Variants in FBXO11 observed in about 807,000 individuals in gnomAD.
The protein encoded by FBXO11 is F-box protein 11, also known as F-box only protein 11.
In FBXO11, 13 loss-of-function variants were observed where a neutral mutation model predicts 117.0. The observed-to-expected ratio is 0.11, with a 90% CI of 0.07 to 0.18. The LOEUF is 0.18. FBXO11 is among the 10% of genes least tolerant of loss of function. FBXO11 has a pLI of 1.00. For synonymous variants in FBXO11, 490 were observed against 380.5 expected (o/e 1.29, Z -3.35); for missense variants, 767 against 1,164.4 (o/e 0.66, Z 4.97).
intron 1 of FBXO11, among the ~76,000 whole-genome samples, chr2:47,852,704 CT>C (rs1214083995): frequency 6.6e-6 from 1 of 152,230 alleles, no homozygotes; most frequent in South Asian, 2.1e-4. Flanking sequence ...AGTGCCACTA[CT>C]GCTAACAGTG....
At chr2:47,825,061 C>T (rs1460483321) in intron 11 of FBXO11, among the ~76,000 whole-genome samples, 3 of 152,078 alleles carry the variant, frequency 2.0e-5, no homozygotes, top group Non-Finnish European at 4.4e-5. Context: ...AGACTTTACA[C>T]ACAGTAAGTA....
At chr2:47,811,022 T>C (rs2104639144) in intron 18 of FBXO11, 1 of 152,342 alleles carries the variant, frequency 6.6e-6, no homozygotes, top group Middle Eastern at 3.4e-3. Flanking sequence ...CATGGTTTTA[T>C]TTCTGTAGAC....
At chr2:47,832,029 C>A (rs922683306) in intron 11 of FBXO11, among the ~76,000 whole-genome samples, 1 of 152,102 alleles carries the variant, frequency 6.6e-6, no homozygotes, top group Non-Finnish European at 1.5e-5. Flanking sequence ...CTGGAGGATA[C>A]AGGAATTTTC....
At chr2:47,851,888 C>G (rs1673889080) in intron 1 of FBXO11, among the ~76,000 whole-genome samples, 1 of 152,062 alleles carries the variant, frequency 6.6e-6, no homozygotes, top group Non-Finnish European at 1.5e-5. Context: ...TTTGTGAATT[C>G]ACACAAGAAA....
Position 47,889,305 on chromosome 2 carries a change from GTAGAC to G in FBXO11, c.232+16179_232+16183del, listed in dbSNP as rs556311238. Among the ~76,000 whole-genome samples the G allele has an allele frequency of 2.0e-5, 3 of 152,194 alleles. No homozygotes were observed. The South Asian group carries it at 6.2e-4, about 31-fold the overall frequency. On this transcript the variant is annotated intron_variant, in intron 1 of 22. Coordinates refer to ENST00000403359, the MANE Select transcript of FBXO11 (RefSeq NM_001190274.2). ...TGTGATTGGCTCTTCATAGAACCAT[GTAGAC>G]TATTCCCTAGAATCTATACTTACTG...
At chr2:47,866,537 G>C (rs912943814) in intron 1 of FBXO11, among the ~76,000 whole-genome samples, 1 of 151,220 alleles carries the variant, frequency 6.6e-6, no homozygotes, top group African/African-American at 2.4e-5. Context: ...ACAGTGGCGT[G>C]ATCTAAGCTC....
At chr2:47,904,349 A>G (rs1175078698) in intron 1 of FBXO11, among the ~76,000 whole-genome samples, 1 of 152,194 alleles carries the variant, frequency 6.6e-6, no homozygotes, top group African/African-American at 2.4e-5. Flanking sequence ...GCTAATTAAT[A>G]AAGAGAATGG....
At chr2:47,838,541 T>C (rs1428733491) in intron 4 of FBXO11, among the ~76,000 whole-genome samples, 1 of 152,210 alleles carries the variant, frequency 6.6e-6, no homozygotes, top group Non-Finnish European at 1.5e-5. Flanking sequence ...ACCTACATTC[T>C]AATCTATCAG....
chr2:47,905,649 C>A lies in FBXO11; in HGVS notation c.72G>T (p.Gln24His). Residue 24 changes from glutamine to histidine, a missense_variant, in exon 1 of 23, where the codon CAG (glutamine) becomes CAT (histidine). This residue lies in a region of FBXO11 where 355 missense variants were observed against 299.8 expected (regional missense o/e 1.18). Coordinates refer to ENST00000403359, the MANE Select transcript of FBXO11 (RefSeq NM_001190274.2). ...GCGGCGGCTGCTGCGGGGGCTGCTGCTGCTGTTGCTGCACCGGGCGCGGCC... is the reference window on the plus strand; with the variant it reads ...GCGGCGGCTGCTGCGGGGGCTGCTGATGCTGTTGCTGCACCGGGCGCGGCC... ...VSRPRPVQQQ[Q>H]QQPPQQPPPQ... The A allele has an allele frequency of 6.8e-7, 1 of 1,460,016 alleles. No individual in the cohort carries two copies. The highest frequency in any genetic ancestry group is 9.1e-7 in the Non-Finnish European group (1 of 1,104,622). The allele number at this position is 1,460,016 out of a possible 1,614,324, so 90.4% of individuals were successfully genotyped here.
intron 11 of FBXO11, among the ~76,000 whole-genome samples, chr2:47,826,130 C>G (rs1671738721): frequency 6.6e-6 from 1 of 152,104 alleles, no homozygotes; most frequent in African/African-American, 2.4e-5. Flanking sequence ...ACGATCTCGG[C>G]TCACTGCAAC....
chr2:47,862,969 C>G (rs1056306495), intron 1 of FBXO11, among the ~76,000 whole-genome samples: 2 of 151,142 alleles, frequency 1.3e-5, no homozygotes, highest in African/African-American at 4.9e-5. Flanking sequence ...GCAGGAGAAT[C>G]GCTTGAACCC....
chr2:47,900,692 GTATACACACACGTGTATATA>G, intron 1 of FBXO11, among the ~76,000 whole-genome samples: 1 of 105,054 alleles, frequency 9.5e-6, no homozygotes, highest in Middle Eastern at 5.3e-3. Context: ...ATACACACAC[GTATACACACACGTGTATATA>G]TATACACGTA....
rs76359791 is a variant in FBXO11 at position 47,889,159 on chromosome 2, A to G, written c.232+16330T>C. 2.2e-3 allele frequency among the ~76,000 whole-genome samples: 332 copies of G among 152,320 alleles called. 7 individuals are homozygous for G. In the East Asian group the frequency reaches 0.06, roughly 28 times the overall value. On this transcript the variant is annotated intron_variant, in intron 1 of 22. Transcript: ENST00000403359. ...CTTTCTAAAATCTCCCCCAACTGAC[A>G]TAACACCAATATGACTGCTTCATGA... is the stretch of plus-strand genomic sequence containing the variant.
chr2:47,828,797 G>A (rs766629359), intron 11 of FBXO11, among the ~76,000 whole-genome samples: 1 of 152,168 alleles, frequency 6.6e-6, no homozygotes, highest in Admixed American at 6.6e-5. Context: ...ACCAATGTTA[G>A]TACCTTAGAC....
rs1023447053 is a variant in FBXO11 at position 47,896,501 on chromosome 2, T to C, written c.232+8988A>G. Among the ~76,000 whole-genome samples the C allele has an allele frequency of 2.0e-5, 3 of 152,140 alleles. 1 individual carries two copies. Among genetic ancestry groups the C allele is most frequent in the Admixed American group, 1.3e-4 (2 of 15,278 alleles). On this transcript the variant is annotated intron_variant, in intron 1 of 22. Transcript: ENST00000403359. ...TGGGCCACCACCCCACAGCTAACTT[T>C]GTATTTTCTGTAGAGACGGGGTTTC...
intron 1 of FBXO11, among the ~76,000 whole-genome samples, chr2:47,850,441 G>A (rs577775260): frequency 6.6e-6 from 1 of 152,242 alleles, no homozygotes; most frequent in South Asian, 2.1e-4. Flanking sequence ...ACTAGGAATG[G>A]GGAGTCAGAA....
At chr2:47,857,484 G>A (rs911567913) in intron 1 of FBXO11, among the ~76,000 whole-genome samples, 2 of 152,080 alleles carry the variant, frequency 1.3e-5, no homozygotes, top group African/African-American at 2.4e-5. Context: ...CAGATCATGT[G>A]AGACAAGTAA....
chr2:47,820,299 G>C, intron 14 of FBXO11, 63 bp downstream of exon 14: 1 of 1,312,952 alleles, frequency 7.6e-7, no homozygotes, highest in Non-Finnish European at 1.1e-6. Flanking sequence ...AGCTTGAGGA[G>C]AAACCCTTTA....
chr2:47,891,073 C>T (rs1270163648), intron 1 of FBXO11, among the ~76,000 whole-genome samples: 1 of 152,094 alleles, frequency 6.6e-6, no homozygotes, highest in Non-Finnish European at 1.5e-5. Context: ...ATCCTCCTGC[C>T]TCTGCCTCCC....
Sources: allele counts gnomAD v4.1 joint callset (sites outside exome capture counted in the v4.1 genomes callset), GRCh38; gene constraint gnomAD v4.1.1; regional missense constraint gnomAD v4.1.1; transcripts MANE v1.5; gene names NCBI Gene and HGNC (gene_info 2026-07-23, HGNC 2026-07-21).